The following SDK2 variants were observed in gnomAD, a reference collection of about 807,000 sequenced individuals.
SDK2 encodes sidekick cell adhesion molecule 2.
In SDK2, 105 loss-of-function variants were observed where a neutral mutation model predicts 253.9. The ratio of observed to expected loss-of-function variants is 0.41; its 90% confidence interval spans 0.35 to 0.49. The LOEUF is 0.49. Among genes scored for constraint, SDK2 ranks in the 20% least tolerant of loss-of-function variants. The pLI, the probability that SDK2 is intolerant of heterozygous loss-of-function variation, is 0.06. For synonymous variants in SDK2, 1,249 were observed against 1,234.9 expected, an observed-to-expected ratio of 1.01 and a Z score of -0.24; for missense variants, 2,608 against 3,003.0, an observed-to-expected ratio of 0.87 and a Z score of 3.07.
chr17:73,392,760 G>A (rs1416273764), intron 27 of SDK2, among the ~76,000 whole-genome samples: 2 of 152,098 alleles, frequency 1.3e-5, no homozygotes, highest in African/African-American at 4.8e-5. Flanking sequence ...CAGTAGGTGG[G>A]GGCGTGTGCG....
At chr17:73,430,447 G>C in intron 12 of SDK2, 64 bp downstream of exon 12, 1 of 1,260,722 alleles carries the variant, frequency 7.9e-7, no homozygotes, top group Non-Finnish European at 1.1e-6. Flanking sequence ...CACTCGCCCA[G>C]CTACAAGCTA....
In SDK2 at chr17:73,621,345, T is replaced by A. The variant is rs182455891; in HGVS notation, c.64+22680A>T. Among the ~76,000 whole-genome samples, 55 of 152,318 alleles carry A rather than the reference T, an allele frequency of 3.6e-4. 1 individual carries two copies. In the East Asian group the frequency reaches 0.01, roughly 28 times the overall value. On this transcript the variant is annotated intron_variant, in intron 1 of 44. Coordinates refer to ENST00000392650, the MANE Select transcript of SDK2 (RefSeq NM_001144952.2). ...AAAATCAATACTTGTTGAAGAAATG[T>A]AATAGAATCTAGATTCTCTCTGACT...
intron 1 of SDK2, among the ~76,000 whole-genome samples, chr17:73,514,162 AC>A (rs1209454746): frequency 6.6e-6 from 1 of 151,710 alleles, no homozygotes; most frequent in Admixed American, 6.6e-5. Context: ...AAGAGGACAG[AC>A]CCTCTGTGTG....
chr17:73,403,645 A>G (rs1450096390), intron 18 of SDK2, among the ~76,000 whole-genome samples: 1 of 152,262 alleles, frequency 6.6e-6, no homozygotes. Flanking sequence ...CGGTTAACTC[A>G]TGCCTATAAC....
intron 1 of SDK2, among the ~76,000 whole-genome samples, chr17:73,514,339 C>T (rs1278378204): frequency 1.3e-5 from 2 of 152,202 alleles, no homozygotes; most frequent in South Asian, 2.1e-4. Context: ...CCTTGATATT[C>T]GCACTAAATA....
chr17:73,415,944 C>A lies in SDK2; in HGVS notation c.2235G>T (p.Thr745=), dbSNP rs754756182. 1.9e-6 allele frequency: 3 copies of A among 1,611,440 alleles called. No individual in the cohort carries two copies. In the African/African-American group the frequency reaches 4.0e-5, roughly 22 times the overall value. The change falls in exon 17 of 45, where the codon ACG becomes ACT. Residue 745 remains threonine (T), a synonymous_variant. Transcript: ENST00000392650. ...LPVGYQFKNI[T]DADVNNLLLE... is the part of the protein sequence containing the mutation. ...GCAGCAGGTTGTTCACATCAGCATCCGTGATGTTCTTAAACTGGTACCCCA... is the reference window on the plus strand; with the variant it reads ...GCAGCAGGTTGTTCACATCAGCATCAGTGATGTTCTTAAACTGGTACCCCA...
rs76535684 is a variant in SDK2 at position 73,598,337 on chromosome 17, C to T, written c.64+45688G>A. On this transcript the variant is annotated intron_variant, in intron 1 of 44. Coordinates refer to ENST00000392650, the MANE Select transcript of SDK2 (RefSeq NM_001144952.2). ...CTCAGGTCGCTGGGTCATTGGCCGACGGCACCTGTGCGGGCTCATGCAGGG... is the reference window on the plus strand; with the variant it reads ...CTCAGGTCGCTGGGTCATTGGCCGATGGCACCTGTGCGGGCTCATGCAGGG... Among the ~76,000 whole-genome samples the T allele has an allele frequency of 8.3e-3, 1,269 of 152,310 alleles. 25 individuals carry two copies. The highest frequency in any genetic ancestry group is 0.03 in the African/African-American group (1,237 of 41,562).
chr17:73,406,565 T>TA lies in SDK2; in HGVS notation c.2485-4425dup, dbSNP rs1265599301. Among the ~76,000 whole-genome samples, 6 of 151,916 alleles carry TA rather than the reference T, an allele frequency of 3.9e-5. No individual in the cohort carries two copies. The South Asian group carries it at 1.0e-3, about 26-fold the overall frequency. On this transcript the variant is annotated intron_variant, in intron 18 of 44. Transcript: ENST00000392650. Reference sequence around the variant, plus strand: ...GCGCCTGGCCTGTACTTGTTTATATTAAAAAAATGGAAGAAAAAACCAAAC... The same window carrying TA: ...GCGCCTGGCCTGTACTTGTTTATATTAAAAAAAATGGAAGAAAAAACCAAAC...
chr17:73,377,410 G>C (rs541639135), intron 36 of SDK2, among the ~76,000 whole-genome samples: 1 of 151,334 alleles, frequency 6.6e-6, no homozygotes, highest in African/African-American at 2.4e-5. Flanking sequence ...GTAGAGATGG[G>C]GTTTCACCAT....
chr17:73,537,938 G>A (rs1224401066), intron 1 of SDK2, among the ~76,000 whole-genome samples: 1 of 152,148 alleles, frequency 6.6e-6, no homozygotes, highest in Admixed American at 6.5e-5. Context: ...AGAGGATGAA[G>A]AGGGTGGAGG....
intron 12 of SDK2, among the ~76,000 whole-genome samples, chr17:73,430,038 C>T (rs914084631): frequency 6.6e-6 from 1 of 152,204 alleles, no homozygotes; most frequent in Non-Finnish European, 1.5e-5. Context: ...CCCCAGGGGT[C>T]ATCTCCTGCC....
chr17:73,413,322 G>A (rs1445357895), intron 18 of SDK2, among the ~76,000 whole-genome samples: 1 of 151,866 alleles, frequency 6.6e-6, no homozygotes, highest in East Asian at 1.9e-4. Context: ...CCATCTAGTT[G>A]CAGGAAAACA....
intron 12 of SDK2, among the ~76,000 whole-genome samples, chr17:73,427,462 C>T (rs1383539900): frequency 6.6e-6 from 1 of 152,176 alleles, no homozygotes; most frequent in Non-Finnish European, 1.5e-5. Context: ...CATGACAAGA[C>T]CATATGGCTC....
chr17:73,383,867 G>A lies in SDK2; in HGVS notation c.4705+9C>T, dbSNP rs1599506418. On this transcript the variant is annotated intron_variant, in intron 33 of 44. Transcript: ENST00000392650. The surrounding 1 kb of genome is among the most constrained non-coding windows in gnomAD (Gnocchi z 4.3). ...CCACCCATTCCTCTGGCTCCCAAGT[G>A]TCACTCACAGGTAAGCTCAGCCCAT... The A allele has an allele frequency of 1.2e-6, 2 of 1,613,930 alleles. No individual in the cohort carries two copies. Among genetic ancestry groups the A allele is most frequent in the Non-Finnish European group, 8.5e-7 (1 of 1,179,816 alleles).
rs2062391830 is a variant in SDK2 at position 73,337,709 on chromosome 17, C to T, written c.*878G>A. ...TTGCCCACAATGCGTTAAACCTAAT[C>T]ATCCCACAGTGCCAAGGCCAGTCGC... is the stretch of plus-strand genomic sequence containing the variant. On this transcript the variant is annotated 3_prime_UTR_variant, in exon 45 of 45. Coordinates refer to ENST00000392650, the MANE Select transcript of SDK2 (RefSeq NM_001144952.2). The T allele has an allele frequency of 6.6e-6, 1 of 152,272 alleles. No individual in the cohort carries two copies. The highest frequency in any genetic ancestry group is 2.4e-5 in the African/African-American group (1 of 41,446). 9.4% of individuals were successfully genotyped at this position (152,272 alleles called of 1,614,324 possible).
chr17:73,343,220 C>A (rs537665717), intron 44 of SDK2, among the ~76,000 whole-genome samples: 10 of 152,384 alleles, frequency 6.6e-5, no homozygotes, highest in Non-Finnish European at 1.5e-4. Context: ...TGGGCAGCAT[C>A]TCGGGGATGG....
chr17:73,430,679 T>C, intron 11 of SDK2, 66 bp from the exon 12 acceptor site: 1 of 1,116,978 alleles, frequency 9.0e-7, no homozygotes, highest in Non-Finnish European at 1.2e-6. Flanking sequence ...GGACTCTGGG[T>C]GGATACCATA....
At chr17:73,414,805 G>A (rs1440289061) in intron 17 of SDK2, 46 bp from the exon 18 acceptor site, 1 of 1,230,660 alleles carries the variant, frequency 8.1e-7, no homozygotes, top group Admixed American at 1.7e-5. Flanking sequence ...GGCCCAGTCA[G>A]TCTCTCTTGC....
At chr17:73,448,514 G>A (rs1051863309) in intron 4 of SDK2, among the ~76,000 whole-genome samples, 7 of 152,060 alleles carry the variant, frequency 4.6e-5, no homozygotes, top group Non-Finnish European at 7.4e-5. Flanking sequence ...ACAGGTGCGC[G>A]CCACTACCCC....
Sources: allele counts gnomAD v4.1 joint callset (sites outside exome capture counted in the v4.1 genomes callset), GRCh38; gene constraint gnomAD v4.1.1; non-coding constraint Gnocchi (gnomAD v3.1); transcripts MANE v1.5; gene names NCBI Gene and HGNC (gene_info 2026-07-23, HGNC 2026-07-21).